Variants in VRK2 observed in about 807,000 individuals in gnomAD.
VRK2 encodes the protein VRK serine/threonine kinase 2, also known as serine/threonine-protein kinase VRK2.
VRK2 carries 60 observed loss-of-function variants against 57.6 expected under a neutral mutation model. That is an observed-to-expected ratio of 1.04 (90% CI 0.85 to 1.29). VRK2 has a LOEUF of 1.29. Among genes scored for constraint, VRK2 ranks in the 50% most tolerant of loss-of-function variants. VRK2 has a pLI of 0.00. For synonymous variants in VRK2, 231 were observed against 199.2 expected, an observed-to-expected ratio of 1.16 and a Z score of -1.35; for missense variants, 705 against 588.1, an observed-to-expected ratio of 1.20 and a Z score of -2.06.
intron 1 of VRK2, among the ~76,000 whole-genome samples, chr2:57,997,906 A>T (rs948415220): frequency 3.9e-5 from 6 of 152,096 alleles, no homozygotes; most frequent in Non-Finnish European, 8.8e-5. Flanking sequence ...AAAAGAAAAA[A>T]AAAAGAAAAA....
In VRK2 at chr2:57,934,137, C is replaced by T. The variant is rs576350368; in HGVS notation, c.-439+26298C>T. On this transcript the variant is annotated intron_variant, in intron 1 of 15. Coordinates refer to the VRK2 transcript ENST00000417641. ...CTATAGTTATTTTTAATACCTTTGT[C>T]TTTTAATCATTATACTAGAGTTGGA... Among the ~76,000 whole-genome samples the T allele has an allele frequency of 2.0e-5, 3 of 152,194 alleles. No individual in the cohort carries two copies. The South Asian group carries it at 6.2e-4, about 32-fold the overall frequency.
At chr2:58,095,208 G>A (rs2104291090) in intron 7 of VRK2, among the ~76,000 whole-genome samples, 1 of 151,546 alleles carries the variant, frequency 6.6e-6, no homozygotes, top group South Asian at 2.1e-4. Context: ...GCAGGAGAAT[G>A]GCGTGAACCC....
intron 1 of VRK2, among the ~76,000 whole-genome samples, chr2:57,976,575 T>C (rs1406154603): frequency 1.3e-5 from 2 of 152,146 alleles, no homozygotes; most frequent in South Asian, 2.1e-4. Flanking sequence ...TTTTTGCTTA[T>C]AAATTTAAGT....
At chr2:58,113,896 A>G (rs763761039) in intron 7 of VRK2, among the ~76,000 whole-genome samples, 1 of 152,050 alleles carries the variant, frequency 6.6e-6, no homozygotes, top group Non-Finnish European at 1.5e-5. Context: ...AAAATAAAAC[A>G]AAATAGTGTT....
In VRK2 at chr2:58,117,368, G is replaced by A. The variant is rs533192168; in HGVS notation, c.544-5733G>A. ...AGTCACAGAAGGAAACTGTAAGCCG[G>A]ACCAGGTGTGAGGAGGGGAGGCGAT... is the stretch of plus-strand genomic sequence containing the variant. On this transcript the variant is annotated intron_variant, in intron 7 of 12. Coordinates refer to ENST00000340157, the MANE Select transcript of VRK2 (RefSeq NM_006296.7). 1.5e-4 allele frequency among the ~76,000 whole-genome samples: 23 copies of A among 152,260 alleles called. No individual in the cohort carries two copies. In the East Asian group the frequency reaches 4.1e-3, roughly 27 times the overall value.
Position 58,147,373 on chromosome 2 carries a change from T to C in VRK2, c.1182+899T>C, listed in dbSNP as rs191876279. Among the ~76,000 whole-genome samples, 367 of 152,092 alleles carry C rather than the reference T, an allele frequency of 2.4e-3. 2 individuals are homozygous for C. Among genetic ancestry groups the C allele is most frequent in the African/African-American group, 8.4e-3 (347 of 41,516 alleles). ...TATAAAATAGTGGCATTATTTGTTG[T>C]TTCATTTTAAATTTATGTAAGGAAC... On this transcript the variant is annotated intron_variant, in intron 12 of 12. Transcript: ENST00000340157.
intron 1 of VRK2, among the ~76,000 whole-genome samples, chr2:58,006,622 G>A (rs991700826): frequency 6.6e-6 from 1 of 152,084 alleles, no homozygotes; most frequent in African/African-American, 2.4e-5. Flanking sequence ...AAATGCAATG[G>A]GAGTAATTGG....
Position 57,995,342 on chromosome 2 carries a change from T to C in VRK2, c.-438-30323T>C, listed in dbSNP as rs375795694. Among the ~76,000 whole-genome samples, 55 of 152,320 alleles carry C rather than the reference T, an allele frequency of 3.6e-4. 1 individual carries two copies. The South Asian group carries it at 0.01, about 29-fold the overall frequency. On this transcript the variant is annotated intron_variant, in intron 1 of 15. Coordinates refer to the VRK2 transcript ENST00000417641. ...TGATTAATATCACCACCAATCTCAATAGAAAATAACTATTGAGAAGCTGTC... is the reference window on the plus strand; with the variant it reads ...TGATTAATATCACCACCAATCTCAACAGAAAATAACTATTGAGAAGCTGTC...
At chr2:57,980,912 G>A (rs1672403799) in intron 1 of VRK2, among the ~76,000 whole-genome samples, 1 of 151,798 alleles carries the variant, frequency 6.6e-6, no homozygotes, top group African/African-American at 2.4e-5. Flanking sequence ...TTCACTTTGA[G>A]CCTATGGGTG....
chr2:57,954,655 G>C (rs936073465), intron 1 of VRK2, among the ~76,000 whole-genome samples: 2 of 151,936 alleles, frequency 1.3e-5, no homozygotes, highest in African/African-American at 4.8e-5. Flanking sequence ...GTTGCTATAT[G>C]ATGATGTCAA....
intron 1 of VRK2, among the ~76,000 whole-genome samples, chr2:57,943,064 C>A (rs767166742): frequency 2.6e-5 from 4 of 152,168 alleles, no homozygotes; most frequent in African/African-American, 9.7e-5. Flanking sequence ...TTCAAGGACA[C>A]TTCACAGCTT....
rs142329905 is a variant in VRK2 at position 58,088,707 on chromosome 2, A to G, written c.450+261A>G. Among the ~76,000 whole-genome samples the G allele has an allele frequency of 3.5e-3, 528 of 152,334 alleles. 5 individuals are homozygous for G. Among genetic ancestry groups the G allele is most frequent in the African/African-American group, 0.012 (483 of 41,580 alleles). ...CTTTTTCCTTAGAGCTTTGTTTTAC[A>G]TACCAGAACAAGCTTTCATTGCTGT... On this transcript the variant is annotated intron_variant, in intron 6 of 12. Coordinates refer to ENST00000340157, the MANE Select transcript of VRK2 (RefSeq NM_006296.7).
At chr2:57,976,959 C>T (rs759993306) in intron 1 of VRK2, among the ~76,000 whole-genome samples, 1 of 152,064 alleles carries the variant, frequency 6.6e-6, no homozygotes, top group Non-Finnish European at 1.5e-5. Context: ...TTTCCCAGTA[C>T]TGTTTATTGA....
At chr2:58,075,097 A>G (rs1378063346) in intron 2 of VRK2, among the ~76,000 whole-genome samples, 1 of 151,878 alleles carries the variant, frequency 6.6e-6, no homozygotes, top group Non-Finnish European at 1.5e-5. Flanking sequence ...CTTTGTGTCC[A>G]TGTGTACTCA....
rs552448375 is a variant in VRK2 at position 57,950,547 on chromosome 2, G to A, written c.-439+42708G>A. Among the ~76,000 whole-genome samples the A allele has an allele frequency of 9.9e-5, 15 of 152,198 alleles. No homozygotes were observed. In the East Asian group the frequency reaches 2.7e-3, roughly 27 times the overall value. On this transcript the variant is annotated intron_variant, in intron 1 of 15. Coordinates refer to the VRK2 transcript ENST00000417641. ...GATTCCTTTCAAAATATTACTGCTC[G>A]TTGACAATCCACCTTGTCACCCAAG...
chr2:57,909,792 G>A (rs1353368244), intron 1 of VRK2, among the ~76,000 whole-genome samples: 1 of 152,026 alleles, frequency 6.6e-6, no homozygotes, highest in Non-Finnish European at 1.5e-5. Context: ...CTGTCTTAGA[G>A]ATCTGTCAAG....
chr2:58,135,571 T>C (rs182840435), intron 10 of VRK2, among the ~76,000 whole-genome samples: 115 of 152,102 alleles, frequency 7.6e-4, no homozygotes, highest in Non-Finnish European at 6.8e-4. Context: ...GAAGATAAAG[T>C]TGACCTAAGG....
At chr2:58,018,089 AAAAGC>A (rs1471888713) in intron 1 of VRK2, 1 of 152,168 alleles carries the variant, frequency 6.6e-6, no homozygotes, top group African/African-American at 2.4e-5. Context: ...CTCCCAAGGT[AAAAGC>A]GATTCTCCTG....
intron 1 of VRK2, among the ~76,000 whole-genome samples, chr2:57,971,746 T>C (rs974099361): frequency 6.6e-6 from 1 of 151,828 alleles, no homozygotes; most frequent in African/African-American, 2.4e-5. Context: ...ATATTATTTT[T>C]TCACTTATTA....
Sources: allele counts gnomAD v4.1 joint callset (sites outside exome capture counted in the v4.1 genomes callset), GRCh38; gene constraint gnomAD v4.1.1; transcripts MANE v1.5; gene names NCBI Gene and HGNC (gene_info 2026-07-23, HGNC 2026-07-21).